Variants in SLC13A3 observed in about 807,000 individuals in gnomAD.
SLC13A3 encodes the protein Na(+)/dicarboxylate cotransporter 3.
SLC13A3 carries 40 observed loss-of-function variants against 59.0 expected under a neutral mutation model. The ratio of observed to expected loss-of-function variants is 0.68; its 90% CI spans 0.53 to 0.88. SLC13A3 has a LOEUF of 0.88. Ranked by LOEUF, SLC13A3 falls within the 40% of genes least tolerant of loss-of-function variation. The pLI is 0.00. For synonymous variants in SLC13A3, 317 were observed against 330.3 expected, an observed-to-expected ratio of 0.96 and a Z score of 0.44; for missense variants, 699 against 783.2, an observed-to-expected ratio of 0.89 and a Z score of 1.28.
chr20:46,611,781 C>G (rs920800026), intron 2 of SLC13A3, among the ~76,000 whole-genome samples: 13 of 152,112 alleles, frequency 8.5e-5, no homozygotes, highest in Non-Finnish European at 1.0e-4. Flanking sequence ...TACAAGGCAG[C>G]TAAGACGAAT....
chr20:46,613,645 C>G lies in SLC13A3; in HGVS notation c.192G>C (p.Leu64=). 1 of 1,612,082 alleles carries G rather than the reference C, an allele frequency of 6.2e-7. No homozygotes were observed. The highest frequency in any genetic ancestry group is 8.5e-7 in the Non-Finnish European group (1 of 1,179,134). ...TEALPLSVTA[L]LPIVLFPFMG... ...TGAAGGGGAAGAGGACGATGGGCAG[C>G]AGCGCCGTCACTGAGAGCGGCAGGG... Residue 64 remains leucine, a synonymous_variant, in exon 2 of 13, where the codon CTG becomes CTC. Transcript: ENST00000279027.
intron 9 of SLC13A3, among the ~76,000 whole-genome samples, chr20:46,578,711 G>A (rs1052575582): frequency 1.3e-4 from 19 of 151,996 alleles, no homozygotes; most frequent in African/African-American, 4.6e-4. Context: ...AATTTCATGT[G>A]CTATGAAGAA....
At chr20:46,634,903 C>T (rs1405900091) in intron 1 of SLC13A3, among the ~76,000 whole-genome samples, 3 of 152,144 alleles carry the variant, frequency 2.0e-5, no homozygotes, top group Non-Finnish European at 4.4e-5. Flanking sequence ...CCAAAAGCTC[C>T]CCTCAGGCCC....
At chr20:46,613,427 C>G in intron 2 of SLC13A3, 33 bp downstream of exon 2, 1 of 1,532,612 alleles carries the variant, frequency 6.5e-7, no homozygotes, top group African/African-American at 1.4e-5. Context: ...TCTGCCTCTC[C>G]GCTGTAGGGC....
intron 7 of SLC13A3, among the ~76,000 whole-genome samples, chr20:46,588,664 G>A (rs528161136): frequency 6.6e-6 from 1 of 152,168 alleles, no homozygotes; most frequent in South Asian, 2.1e-4. Flanking sequence ...TGGAAAGAGA[G>A]GATCCCCAAG....
intron 9 of SLC13A3, among the ~76,000 whole-genome samples, chr20:46,577,940 A>G (rs1308032266): frequency 6.6e-6 from 1 of 152,192 alleles, no homozygotes; most frequent in Non-Finnish European, 1.5e-5. Flanking sequence ...CACTGTGCAA[A>G]GGACTCATCC....
In SLC13A3 at chr20:46,590,985, C is replaced by T. The variant is rs1392099940; in HGVS notation, c.920+1419G>A. Among the ~76,000 whole-genome samples, 3 of 150,950 alleles carry T rather than the reference C, an allele frequency of 2.0e-5. No homozygotes were observed. In the East Asian group the frequency reaches 5.8e-4, roughly 29 times the overall value. On this transcript the variant is annotated intron_variant, in intron 6 of 12. Transcript: ENST00000279027. ...ACCAGCCTGGCCAACAGAGTAAACCCCTCTCTCTACCAAAAAAAAAAAAAG... is the reference window on the plus strand; with the variant it reads ...ACCAGCCTGGCCAACAGAGTAAACCTCTCTCTCTACCAAAAAAAAAAAAAG...
At chr20:46,640,978 G>C (rs769891918) in intron 1 of SLC13A3, among the ~76,000 whole-genome samples, 2 of 152,200 alleles carry the variant, frequency 1.3e-5, no homozygotes, top group Non-Finnish European at 2.9e-5. Context: ...CTGGACCTCA[G>C]AGGAATTGTT....
upstream of SLC13A3, among the ~76,000 whole-genome samples, chr20:46,670,973 G>C (rs1022791197): frequency 2.0e-5 from 3 of 152,210 alleles, no homozygotes; most frequent in East Asian, 3.9e-4. Flanking sequence ...TATGTTTTCA[G>C]TTATGTGTGA....
At chr20:46,582,330 T>C (rs1413411285) in intron 9 of SLC13A3, among the ~76,000 whole-genome samples, 1 of 151,902 alleles carries the variant, frequency 6.6e-6, no homozygotes, top group African/African-American at 2.4e-5. Context: ...GGTTTCTCCA[T>C]GTTGCCAGGC....
chr20:46,583,491 G>A, intron 9 of SLC13A3, 81 bp downstream of exon 9: 4 of 1,568,198 alleles, frequency 2.6e-6, no homozygotes, highest in Non-Finnish European at 3.4e-6. Context: ...AGTGCAGTGG[G>A]GGGCTCCAGG....
chr20:46,678,123 T>C (rs1488479556), intron 1 of SLC13A3, among the ~76,000 whole-genome samples: 1 of 152,206 alleles, frequency 6.6e-6, no homozygotes, highest in African/African-American at 2.4e-5. Flanking sequence ...CAGGGAAGTC[T>C]AGAATTTTCC....
At chr20:46,658,648 T>C (rs2063009452) in intron 1 of SLC13A3, among the ~76,000 whole-genome samples, 1 of 152,344 alleles carries the variant, frequency 6.6e-6, no homozygotes, top group African/African-American at 2.4e-5. Flanking sequence ...AGATCCTGTC[T>C]CTAATTTTTT....
chr20:46,669,274 G>A (rs775995040), intron 1 of SLC13A3, among the ~76,000 whole-genome samples: 2 of 147,346 alleles, frequency 1.4e-5, no homozygotes, highest in African/African-American at 2.5e-5. Flanking sequence ...CACCCCCCTC[G>A]TGGACCCCCC....
chr20:46,675,701 C>T (rs1358930610), intron 1 of SLC13A3, among the ~76,000 whole-genome samples: 1 of 151,768 alleles, frequency 6.6e-6, no homozygotes, highest in Admixed American at 6.6e-5. Flanking sequence ...CCCGCCTCAG[C>T]CTCCCCAGTC....
rs77260895 is a variant in SLC13A3, at chr20:46,683,742, G to A, written c.-31+654C>T. Among the ~76,000 whole-genome samples, 1,113 of 152,190 alleles carry A rather than the reference G, an allele frequency of 7.3e-3. 9 individuals are homozygous for A. The highest frequency in any genetic ancestry group is 0.011 in the African/African-American group (463 of 41,518). On this transcript the variant is annotated intron_variant, in intron 1 of 6. Coordinates refer to the SLC13A3 transcript ENST00000372121. Reference sequence around the variant, plus strand: ...TTGATCTCCGTGACCATGAGACAACGAGCCTCGGGTGTTACCCCCAGACAA... The same window carrying A: ...TTGATCTCCGTGACCATGAGACAACAAGCCTCGGGTGTTACCCCCAGACAA...
chr20:46,581,087 C>CAATGCTGTGT (rs1174471511), intron 9 of SLC13A3, among the ~76,000 whole-genome samples: 4 of 152,250 alleles, frequency 2.6e-5, no homozygotes, highest in African/African-American at 9.6e-5. Flanking sequence ...TGCTGCTGTG[C>CAATGCTGTGT]ACTGCTGTGT....
intron 1 of SLC13A3, among the ~76,000 whole-genome samples, chr20:46,660,530 T>A (rs1431840295): frequency 6.6e-6 from 1 of 152,192 alleles, no homozygotes; most frequent in Non-Finnish European, 1.5e-5. Flanking sequence ...CCCCTGTAAG[T>A]AATGCCCCAT....
At chr20:46,563,680 C>A in intron 11 of SLC13A3, 129 bp from the exon 12 acceptor site, 1 of 1,009,910 alleles carries the variant, frequency 9.9e-7, no homozygotes, top group Non-Finnish European at 1.4e-6. Context: ...GAGACAAAGA[C>A]ATCCATAGAG....
Sources: allele counts gnomAD v4.1 joint callset (sites outside exome capture counted in the v4.1 genomes callset), GRCh38; gene constraint gnomAD v4.1.1; transcripts MANE v1.5; gene names NCBI Gene and HGNC (gene_info 2026-07-23, HGNC 2026-07-21).